The following FRMD4A variants were observed in gnomAD, a reference collection of about 807,000 sequenced individuals.
FRMD4A encodes FERM domain containing 4A.
Under a neutral mutation model 129.1 loss-of-function variants are expected in FRMD4A, and 29 were observed. The ratio of observed to expected loss-of-function variants is 0.22; its 90% CI spans 0.17 to 0.31. The LOEUF is 0.31. Among genes scored for constraint, FRMD4A ranks in the 10% least tolerant of loss-of-function variants. FRMD4A has a pLI of 1.00. For synonymous variants in FRMD4A, 634 were observed against 571.6 expected (o/e 1.11, Z -1.56); for missense variants, 1,272 against 1,375.8 (o/e 0.92, Z 1.19).
At chr10:13,728,736 A>C (rs2090102604) in intron 12 of FRMD4A, among the ~76,000 whole-genome samples, 1 of 151,296 alleles carries the variant, frequency 6.6e-6, no homozygotes, top group Non-Finnish European at 1.5e-5. Context: ...ACGCCCAGCT[A>C]ATTTTTGTAT....
Position 14,137,360 on chromosome 10 carries a change from A to G in FRMD4A, c.45+192698T>C, listed in dbSNP as rs568840100. 2.0e-5 allele frequency among the ~76,000 whole-genome samples: 3 copies of G among 152,286 alleles called. No individual in the cohort carries two copies. In the East Asian group the frequency reaches 5.8e-4, roughly 29 times the overall value. ...TCTGTGCTTTTAATTCTGCCTGGCA[A>G]TGTGTGTGTTTTGAAGCTAAGAGTG... On this transcript the variant is annotated intron_variant, in intron 2 of 24. Coordinates refer to ENST00000357447, the MANE Select transcript of FRMD4A (RefSeq NM_018027.5).
chr10:14,146,831 C>G (rs1840099324), intron 2 of FRMD4A, among the ~76,000 whole-genome samples: 1 of 152,198 alleles, frequency 6.6e-6, no homozygotes, highest in Non-Finnish European at 1.5e-5. Flanking sequence ...CATGAGTCAA[C>G]TGATGGACTG....
chr10:14,288,234 G>A (rs932946210), intron 2 of FRMD4A, among the ~76,000 whole-genome samples: 1 of 152,178 alleles, frequency 6.6e-6, no homozygotes, highest in Non-Finnish European at 1.5e-5. Context: ...CTTCCCAACA[G>A]TAAAGTAGTA....
intron 2 of FRMD4A, among the ~76,000 whole-genome samples, chr10:13,925,118 T>C (rs1308644154): frequency 1.3e-5 from 2 of 151,306 alleles, no homozygotes; most frequent in Non-Finnish European, 2.9e-5. Flanking sequence ...GGAGCATTTC[T>C]TCATTAATAC....
At chr10:13,920,823 T>A (rs545495571) in intron 2 of FRMD4A, among the ~76,000 whole-genome samples, 1 of 129,726 alleles carries the variant, frequency 7.7e-6, no homozygotes, top group Admixed American at 7.6e-5. Flanking sequence ...GCTTTTATTA[T>A]TTTTTTTTAA....
At chr10:14,264,782 G>T (rs975901563) in intron 2 of FRMD4A, among the ~76,000 whole-genome samples, 1 of 151,882 alleles carries the variant, frequency 6.6e-6, no homozygotes, top group Non-Finnish European at 1.5e-5. Context: ...TCTTGGAAAA[G>T]AAACACTTTT....
intron 2 of FRMD4A, among the ~76,000 whole-genome samples, chr10:13,882,350 T>C (rs2094557087): frequency 6.6e-6 from 1 of 152,126 alleles, no homozygotes; most frequent in African/African-American, 2.4e-5. Flanking sequence ...AACAGCTGAC[T>C]CCGAGCAACG....
At chr10:13,690,220 T>G (rs542878948) in intron 15 of FRMD4A, among the ~76,000 whole-genome samples, 1 of 152,298 alleles carries the variant, frequency 6.6e-6, no homozygotes, top group African/African-American at 2.4e-5. Context: ...GGGAACACAT[T>G]CTAGGCAAGA....
intron 2 of FRMD4A, among the ~76,000 whole-genome samples, chr10:14,224,674 C>T (rs1174179698): frequency 2.0e-5 from 3 of 151,966 alleles, no homozygotes; most frequent in African/African-American, 7.3e-5. Flanking sequence ...GATTCCAGTC[C>T]CAAAGCAGCA....
intron 4 of FRMD4A, among the ~76,000 whole-genome samples, chr10:13,799,762 T>G (rs2093211790): frequency 6.6e-6 from 1 of 152,198 alleles, no homozygotes; most frequent in African/African-American, 2.4e-5. Flanking sequence ...GTTCAAGTCT[T>G]ACTTTCAGTG....
chr10:14,044,863 C>T (rs1025224717), intron 2 of FRMD4A, among the ~76,000 whole-genome samples: 3 of 152,210 alleles, frequency 2.0e-5, no homozygotes, highest in Admixed American at 6.5e-5. Context: ...GCCTATCTCT[C>T]GTCTACCAGA....
At chr10:13,983,627 CAA>C (rs2095570057) in intron 2 of FRMD4A, among the ~76,000 whole-genome samples, 1 of 151,878 alleles carries the variant, frequency 6.6e-6, no homozygotes, top group South Asian at 2.1e-4. Context: ...GTTGCAGAAA[CAA>C]AAGTGGTGAT....
At chr10:13,883,406 T>C (rs1326913407) in intron 2 of FRMD4A, among the ~76,000 whole-genome samples, 1 of 152,164 alleles carries the variant, frequency 6.6e-6, no homozygotes, top group East Asian at 1.9e-4. Context: ...GCAGGATAAC[T>C]TCTTGAACCT....
intron 12 of FRMD4A, among the ~76,000 whole-genome samples, chr10:13,729,132 C>CTCCCAAGGCCAGGGTCTGTCACCCACAG (rs1554868343): frequency 3.3e-5 from 5 of 151,666 alleles, no homozygotes; most frequent in African/African-American, 1.2e-4. Context: ...GGTCTCTAGA[C>CTCCCAAGGCCAGGGTCTGTCACCCACAG]GCATGGAAAG....
intron 2 of FRMD4A, among the ~76,000 whole-genome samples, chr10:14,078,944 G>T (rs544401887): frequency 3.0e-4 from 46 of 152,326 alleles, no homozygotes; most frequent in African/African-American, 1.1e-3. Context: ...CACTGGAAAA[G>T]GGAAACAGGA....
At chr10:13,943,963 C>T (rs573382794) in intron 2 of FRMD4A, among the ~76,000 whole-genome samples, 9 of 152,202 alleles carry the variant, frequency 5.9e-5, no homozygotes, top group African/African-American at 1.4e-4. Flanking sequence ...TAAATAACTC[C>T]GGCCATCAGT....
At position 13,660,572 on chromosome 10, in the gene FRMD4A, AGAGGAACTGAGC is replaced by A; in HGVS notation, c.1661-31_1661-20del. ...GAGTCTTCTGCACAAAGACAGGAAG[AGAGGAACTGAGC>A]CCCGGTCATCCTTCCCACAGGCTGA... On this transcript the variant is annotated intron_variant, in intron 19 of 24. Coordinates refer to ENST00000357447, the MANE Select transcript of FRMD4A (RefSeq NM_018027.5). The A allele has an allele frequency of 6.8e-7, 1 of 1,460,870 alleles. No homozygotes were observed. The highest frequency in any genetic ancestry group is 9.5e-7 in the Non-Finnish European group (1 of 1,051,904). The allele number at this position is 1,460,870 out of a possible 1,614,324, so 90.5% of individuals were successfully genotyped here.
chr10:13,805,602 AAAGT>A (rs990378596), intron 4 of FRMD4A, among the ~76,000 whole-genome samples: 57 of 152,184 alleles, frequency 3.7e-4, no homozygotes, highest in African/African-American at 1.3e-3. Context: ...GAATAGCTTA[AAAGT>A]TGGTTAGTTA....
intron 12 of FRMD4A, among the ~76,000 whole-genome samples, chr10:13,723,334 T>C (rs1353785483): frequency 6.6e-6 from 1 of 152,230 alleles, no homozygotes; most frequent in Non-Finnish European, 1.5e-5. Flanking sequence ...GGTATCTTGG[T>C]TTGGATATTA....
Sources: allele counts gnomAD v4.1 joint callset (sites outside exome capture counted in the v4.1 genomes callset), GRCh38; gene constraint gnomAD v4.1.1; transcripts MANE v1.5; gene names NCBI Gene and HGNC (gene_info 2026-07-23, HGNC 2026-07-21).